The following ATP13A5 variants were observed in gnomAD, a reference collection of about 807,000 sequenced individuals.
The protein encoded by ATP13A5 is probable cation-transporting ATPase 13A5.
A neutral mutation model predicts 150.2 loss-of-function variants in ATP13A5; 149 were observed. The ratio of observed to expected loss-of-function variants is 0.99; its 90% CI spans 0.87 to 1.14. The LOEUF is 1.14. Among genes scored for constraint, ATP13A5 ranks in the 50% most tolerant of loss-of-function variants. The probability of loss-of-function intolerance (pLI) is 0.00; values close to 1 mark genes in which losing one functional copy is unlikely to be tolerated. For synonymous variants in ATP13A5, 497 were observed against 522.2 expected (o/e 0.95, Z 0.66); for missense variants, 1,383 against 1,449.3 (o/e 0.95, Z 0.74).
At chr3:193,334,836 TG>T in intron 10 of ATP13A5, 92 bp downstream of exon 10, 1 of 1,155,828 alleles carries the variant, frequency 8.7e-7, no homozygotes, top group Non-Finnish European at 1.2e-6. Context: ...TACCAGAATG[TG>T]GCAGACTCCA....
chr3:193,317,642 A>G (rs576274283), intron 17 of ATP13A5, among the ~76,000 whole-genome samples: 57 of 152,320 alleles, frequency 3.7e-4, no homozygotes, highest in African/African-American at 1.4e-3. Flanking sequence ...TGCTAAATAG[A>G]ATTTGATTCT....
chr3:193,317,368 C>A (rs1234469344), intron 17 of ATP13A5, among the ~76,000 whole-genome samples: 1 of 152,138 alleles, frequency 6.6e-6, no homozygotes, highest in African/African-American at 2.4e-5. Context: ...ATTTTCTAAT[C>A]TATTTCCCCA....
At chr3:193,375,614 A>G (rs1223520508) in intron 1 of ATP13A5, among the ~76,000 whole-genome samples, 1 of 152,148 alleles carries the variant, frequency 6.6e-6, no homozygotes, top group Non-Finnish European at 1.5e-5. Context: ...AAAAAACAAT[A>G]AAGACCTGTA....
chr3:193,298,712 G>T (rs1270589465), intron 25 of ATP13A5, among the ~76,000 whole-genome samples: 1 of 152,060 alleles, frequency 6.6e-6, no homozygotes, highest in East Asian at 1.9e-4. Flanking sequence ...TGCTTTTGGA[G>T]AATTCTACTA....
intron 25 of ATP13A5, among the ~76,000 whole-genome samples, chr3:193,298,177 T>C (rs971198304): frequency 3.3e-5 from 5 of 152,130 alleles, no homozygotes; most frequent in Admixed American, 1.3e-4. Flanking sequence ...TTGAAACCTC[T>C]TGGTGTTTTT....
At chr3:193,345,706 A>G (rs3732524) in intron 7 of ATP13A5, among the ~76,000 whole-genome samples, 35,556 of 152,064 alleles carry the variant, frequency 0.23, 5,002 homozygotes, top group Non-Finnish European at 0.31. Context: ...TTGTCTATTA[A>G]GTTAGGTTAA....
chr3:193,323,291 A>G (rs950360869), intron 14 of ATP13A5: 1 of 152,194 alleles, frequency 6.6e-6, no homozygotes, highest in Non-Finnish European at 1.5e-5. Context: ...ATCAAATGCT[A>G]AAATTCTTGA....
intron 25 of ATP13A5, among the ~76,000 whole-genome samples, chr3:193,293,437 G>GTGTCTTGC (rs113290068): frequency 1.4e-4 from 21 of 152,184 alleles, no homozygotes; most frequent in African/African-American, 5.1e-4. Context: ...ATAGTGCAGG[G>GTGTCTTGC]TGTCTTGCAT....
chr3:193,287,916 A>G (rs1717784766), intron 26 of ATP13A5, among the ~76,000 whole-genome samples: 1 of 152,146 alleles, frequency 6.6e-6, no homozygotes, highest in African/African-American at 2.4e-5. Context: ...AAAAACATCA[A>G]CATTAATGGA....
intron 3 of ATP13A5, 64 bp downstream of exon 3, chr3:193,363,172 A>G: frequency 2.6e-6 from 4 of 1,522,544 alleles, no homozygotes; most frequent in Non-Finnish European, 3.5e-6. Context: ...CTTTCATTTA[A>G]TAAACAGTTA....
rs1392024988 is a variant in ATP13A5, at chr3:193,279,403, A to G, written c.3278T>C (p.Leu1093Pro). The G allele has an allele frequency of 6.2e-7, 1 of 1,613,900 alleles. No individual in the cohort carries two copies. The highest frequency in any genetic ancestry group is 1.7e-5 in the Admixed American group (1 of 60,022). The change falls in exon 28 of 30, where the codon CTG becomes CCG. Residue 1093 changes from leucine to proline, a missense_variant. Around this residue, in one of 3 missense-constraint regions of ATP13A5, gnomAD observed 568 missense variants for 621.5 expected, o/e 0.91. Transcript: ENST00000342358. ...GTATATAACTTGAAAGTCAGAAAAC[A>G]GAATGAAAATTGTGAGGCCCAAGGC... ...LAALGLTIFI[L>P]FSDFQVIYRG...
rs778204232 is a variant in ATP13A5, at chr3:193,378,741, G to A, written c.-16C>T. 1.8e-5 allele frequency: 29 copies of A among 1,610,770 alleles called. No homozygotes were observed. In the African/African-American group the frequency reaches 2.7e-4, roughly 15 times the overall value. On this transcript the variant is annotated 5_prime_UTR_variant, in exon 1 of 30. Coordinates refer to ENST00000342358, the MANE Select transcript of ATP13A5 (RefSeq NM_198505.4). ...TCTCTTCCATCTGAACTCAACCGGC[G>A]AGGATCTCTTCTGGCTAACTCCTTG...
intron 23 of ATP13A5, among the ~76,000 whole-genome samples, chr3:193,303,736 G>T (rs1031909189): frequency 1.3e-5 from 2 of 151,546 alleles, no homozygotes; most frequent in African/African-American, 4.9e-5. Flanking sequence ...CTCTGGTCAG[G>T]GCAGAAGCAA....
At chr3:193,343,880 G>T in intron 9 of ATP13A5, 47 bp downstream of exon 9, 1 of 1,594,600 alleles carries the variant, frequency 6.3e-7, no homozygotes, top group South Asian at 1.2e-5. Flanking sequence ...ATGTTGATCT[G>T]ATTAGATGTC....
intron 9 of ATP13A5, among the ~76,000 whole-genome samples, chr3:193,339,344 T>A (rs1191427436): frequency 6.6e-6 from 1 of 152,228 alleles, no homozygotes; most frequent in Non-Finnish European, 1.5e-5. Flanking sequence ...CAACTTTAGA[T>A]CTTTCCTGCT....
chr3:193,360,808 C>T (rs1308487851), intron 5 of ATP13A5, among the ~76,000 whole-genome samples: 5 of 152,132 alleles, frequency 3.3e-5, no homozygotes, highest in African/African-American at 1.2e-4. Flanking sequence ...TCCTGAGTAG[C>T]TGGGACTACA....
At chr3:193,317,978 G>A (rs937618918) in intron 17 of ATP13A5, among the ~76,000 whole-genome samples, 2 of 152,182 alleles carry the variant, frequency 1.3e-5, no homozygotes, top group Non-Finnish European at 2.9e-5. Context: ...ATGTGGTCTG[G>A]ACCTTTATGT....
chr3:193,292,733 G>T lies in ATP13A5; in HGVS notation c.2849-2674C>A, dbSNP rs1432512583. Among the ~76,000 whole-genome samples, 10 of 152,224 alleles carry T rather than the reference G, an allele frequency of 6.6e-5. No individual in the cohort carries two copies. The East Asian group carries it at 1.9e-3, about 29-fold the overall frequency. On this transcript the variant is annotated intron_variant, in intron 25 of 29. Coordinates refer to ENST00000342358, the MANE Select transcript of ATP13A5 (RefSeq NM_198505.4). Reference sequence around the variant, plus strand: ...CTGAGCTGACCTAGATCAGCTAAATGACAATCAACTTACAAACCCATGAAT... The same window carrying T: ...CTGAGCTGACCTAGATCAGCTAAATTACAATCAACTTACAAACCCATGAAT...
At chr3:193,280,307 C>A (rs913245222) in intron 27 of ATP13A5, among the ~76,000 whole-genome samples, 1 of 152,154 alleles carries the variant, frequency 6.6e-6, no homozygotes, top group African/African-American at 2.4e-5. Flanking sequence ...CCGCCTCGGC[C>A]TCCCAAAGTG....
Sources: allele counts gnomAD v4.1 joint callset (sites outside exome capture counted in the v4.1 genomes callset), GRCh38; gene constraint gnomAD v4.1.1; regional missense constraint gnomAD v4.1.1; transcripts MANE v1.5; gene names NCBI Gene and HGNC (gene_info 2026-07-23, HGNC 2026-07-21).